Variants in MEIKIN observed in about 807,000 individuals in gnomAD.
MEIKIN encodes meiotic kinetochore factor, also known as meiosis-specific kinetochore protein.
chr5:131,890,667 G>T (rs1456860112), intron 8 of MEIKIN, among the ~76,000 whole-genome samples: 5 of 152,092 alleles, frequency 3.3e-5, no homozygotes, highest in Non-Finnish European at 7.4e-5. Flanking sequence ...CAAAAAACCA[G>T]CTCCTGGATT....
intron 9 of MEIKIN, among the ~76,000 whole-genome samples, chr5:131,856,313 T>C (rs1045885315): frequency 3.9e-5 from 6 of 152,190 alleles, no homozygotes; most frequent in Non-Finnish European, 7.4e-5. Context: ...ATCATCATCA[T>C]TGTGGCAGTC....
chr5:131,882,133 A>T (rs1039134413), intron 8 of MEIKIN, among the ~76,000 whole-genome samples: 1 of 152,148 alleles, frequency 6.6e-6, no homozygotes, highest in African/African-American at 2.4e-5. Context: ...CTGCCTGTAA[A>T]ATATATTCCA....
chr5:131,876,406 C>A (rs891681563), intron 9 of MEIKIN, among the ~76,000 whole-genome samples: 5 of 150,982 alleles, frequency 3.3e-5, no homozygotes, highest in Admixed American at 2.0e-4. Context: ...TGCTCATCAT[C>A]ACTGGTCATC....
chr5:131,862,381 T>TG, intron 9 of MEIKIN, among the ~76,000 whole-genome samples: 1 of 152,140 alleles, frequency 6.6e-6, no homozygotes, highest in Non-Finnish European at 1.5e-5. Context: ...TTTTATCTTT[T>TG]TGAACAACGA....
intron 4 of MEIKIN, among the ~76,000 whole-genome samples, chr5:131,936,790 C>T (rs541077435): frequency 5.3e-5 from 8 of 151,938 alleles, no homozygotes; most frequent in Non-Finnish European, 7.4e-5. Context: ...GAGATGGTCT[C>T]GAACTCCTGA....
chr5:131,846,067 A>T (rs1750013412), intron 11 of MEIKIN, among the ~76,000 whole-genome samples: 1 of 152,204 alleles, frequency 6.6e-6, no homozygotes, highest in South Asian at 2.1e-4. Flanking sequence ...TTATAAGATA[A>T]TCAACAGATT....
At chr5:131,908,648 G>A (rs904364640) in intron 8 of MEIKIN, among the ~76,000 whole-genome samples, 63 of 152,270 alleles carry the variant, frequency 4.1e-4, no homozygotes, top group Non-Finnish European at 7.9e-4. Flanking sequence ...ATCTTTGTTT[G>A]CAGATGACAT....
chr5:131,873,707 C>A (rs1750552674), intron 9 of MEIKIN, among the ~76,000 whole-genome samples: 1 of 152,156 alleles, frequency 6.6e-6, no homozygotes, highest in Non-Finnish European at 1.5e-5. Flanking sequence ...GTCTTTTCAG[C>A]ACCACACCTA....
chr5:131,938,054 C>T (rs1482319752), intron 4 of MEIKIN, among the ~76,000 whole-genome samples: 1 of 151,616 alleles, frequency 6.6e-6, no homozygotes. Flanking sequence ...GTCTGAACTA[C>T]TGTTTTTGAG....
chr5:131,934,475 T>C (rs1751741493), intron 4 of MEIKIN, among the ~76,000 whole-genome samples: 1 of 152,142 alleles, frequency 6.6e-6, no homozygotes, highest in East Asian at 1.9e-4. Flanking sequence ...GAAAGGATAG[T>C]CTTTTAAACA....
At chr5:131,887,797 T>C (rs1306170285) in intron 8 of MEIKIN, among the ~76,000 whole-genome samples, 2 of 151,712 alleles carry the variant, frequency 1.3e-5, no homozygotes, top group African/African-American at 4.9e-5. Flanking sequence ...CATGTTGGTG[T>C]GCTGCACCCA....
chr5:131,838,590 T>C (rs1749852415), intron 11 of MEIKIN, among the ~76,000 whole-genome samples: 1 of 152,062 alleles, frequency 6.6e-6, no homozygotes, highest in Non-Finnish European at 1.5e-5. Flanking sequence ...GGAGGGTGCA[T>C]GTGTACAGGA....
chr5:131,917,581 A>AG (rs1751433689), intron 6 of MEIKIN, among the ~76,000 whole-genome samples: 1 of 151,702 alleles, frequency 6.6e-6, no homozygotes, highest in Non-Finnish European at 1.5e-5. Flanking sequence ...AAAAAAAAAA[A>AG]AAATTAGAAA....
chr5:131,842,157 G>T (rs1231872941), intron 11 of MEIKIN, among the ~76,000 whole-genome samples: 2 of 152,048 alleles, frequency 1.3e-5, no homozygotes, highest in Non-Finnish European at 2.9e-5. Context: ...AGTAGAGATG[G>T]GGTTTTACCA....
intron 12 of MEIKIN, among the ~76,000 whole-genome samples, chr5:131,813,552 G>A (rs1773041929): frequency 6.6e-6 from 1 of 151,210 alleles, no homozygotes; most frequent in Admixed American, 6.6e-5. Context: ...TCAGCCTCCT[G>A]AGTAGCTGGG....
At chr5:131,814,340 G>A (rs1773061095) in intron 12 of MEIKIN, among the ~76,000 whole-genome samples, 1 of 150,278 alleles carries the variant, frequency 6.7e-6, no homozygotes, top group African/African-American at 2.5e-5. Flanking sequence ...GCAGTGGCGT[G>A]ATTACAGCTT....
chr5:131,921,293 C>T (rs1361131772), intron 6 of MEIKIN, among the ~76,000 whole-genome samples: 1 of 152,162 alleles, frequency 6.6e-6, no homozygotes, highest in African/African-American at 2.4e-5. Context: ...AGAAGAATTG[C>T]TTGAGGCCAG....
chr5:131,829,924 A>G (rs1001725732), intron 11 of MEIKIN, among the ~76,000 whole-genome samples: 1 of 152,204 alleles, frequency 6.6e-6, no homozygotes, highest in Non-Finnish European at 1.5e-5. Flanking sequence ...GAAATGAGAT[A>G]ATAGATTTCT....
intron 11 of MEIKIN, among the ~76,000 whole-genome samples, chr5:131,843,025 C>T (rs914614646): frequency 2.0e-5 from 3 of 152,220 alleles, no homozygotes; most frequent in African/African-American, 7.2e-5. Flanking sequence ...GCAGGCCCAA[C>T]ACCATGTGGA....
Sources: gnomAD v4.1 joint callset for allele counts (sites outside exome capture counted in the v4.1 genomes callset) on GRCh38, gnomAD v4.1.1 for gene constraint, MANE v1.5 for transcripts, NCBI Gene and HGNC (gene_info 2026-07-23, HGNC 2026-07-21) for gene names.